DYNC1H1: variants seen among roughly 807,000 people sequenced by gnomAD.
The protein encoded by DYNC1H1 is cytoplasmic dynein 1 heavy chain 1.
Under a neutral mutation model 527.1 loss-of-function variants are expected in DYNC1H1, and 51 were observed. That is an observed-to-expected ratio of 0.10 (90% CI 0.08 to 0.12). The LOEUF (loss-of-function observed/expected upper bound fraction) is 0.12. DYNC1H1 is among the 10% of genes least tolerant of loss of function. The pLI, the probability that DYNC1H1 is intolerant of heterozygous loss-of-function variation, is 1.00. For missense variants in DYNC1H1, 2,771 were observed against 5,971.8 expected, an observed-to-expected ratio of 0.46 and a Z score of 17.66; for synonymous variants, 2,189 against 2,278.8, an observed-to-expected ratio of 0.96 and a Z score of 1.12.
chr14:101,970,118 CT>C (rs2047714620), intron 1 of DYNC1H1, among the ~76,000 whole-genome samples: 1 of 152,130 alleles, frequency 6.6e-6, no homozygotes, highest in Admixed American at 6.5e-5. Flanking sequence ...AATTCTTTCT[CT>C]TTTCTTTTCG....
At chr14:102,048,349 C>T (rs1181626582) in intron 73 of DYNC1H1, 167 bp from the exon 74 acceptor site, 6 of 980,578 alleles carry the variant, frequency 6.1e-6, no homozygotes, top group Non-Finnish European at 9.2e-6. Context: ...GCAGCCTCAG[C>T]TTCACACAAG....
chr14:102,051,311 A>G lies in DYNC1H1; in HGVS notation c.*748A>G. ...ATGCCTGTAATCCCAGCACTTTGGGAGGCCGAGGCGGGCGGATCACCAAAT... is the reference window on the plus strand; with the variant it reads ...ATGCCTGTAATCCCAGCACTTTGGGGGGCCGAGGCGGGCGGATCACCAAAT... On this transcript the variant is annotated 3_prime_UTR_variant, in exon 78 of 78. Coordinates refer to ENST00000360184, the MANE Select transcript of DYNC1H1 (RefSeq NM_001376.5). 1 of 151,286 alleles carries G rather than the reference A, an allele frequency of 6.6e-6. No individual in the cohort carries two copies. Among genetic ancestry groups the G allele is most frequent in the Non-Finnish European group, 1.5e-5 (1 of 68,478 alleles). The allele number at this position is 151,286 out of a possible 1,614,324, so 9.4% of individuals were successfully genotyped here.
chr14:102,002,483 T>C lies in DYNC1H1; in HGVS notation c.4543-54T>C, dbSNP rs1215222652. The C allele has an allele frequency of 2.5e-6, 4 of 1,610,032 alleles. No individual in the cohort carries two copies. The highest frequency in any genetic ancestry group is 3.4e-6 in the Non-Finnish European group (4 of 1,177,362). ...TGCGCTTTTTCAGTGAGTTTTGGCA[T>C]ATCTGTGAGTAGAAGGGTCAGCAGT... On this transcript the variant is annotated intron_variant, in intron 21 of 77. Transcript: ENST00000360184. This position sits in a 1 kb window ranked among gnomAD's most constrained non-coding sequence, Gnocchi z 4.4.
rs550767074 is a variant in DYNC1H1, at chr14:102,009,793, G to T, written c.5978-50G>T. ...TTAGAGACATTTTAGAATGCATTTT[G>T]TTTTTTTTTTTTAACATTTCTAGTC... On this transcript the variant is annotated intron_variant, in intron 29 of 77. Coordinates refer to ENST00000360184, the MANE Select transcript of DYNC1H1 (RefSeq NM_001376.5). 5,755 of 1,255,248 alleles carry T rather than the reference G, an allele frequency of 4.6e-3. 98 individuals are homozygous for T. The highest frequency in any genetic ancestry group is 0.044 in the Admixed American group (2,230 of 50,494). The allele number at this position is 1,255,248 out of a possible 1,614,324, so 77.8% of individuals were successfully genotyped here.
In DYNC1H1 at chr14:102,041,922, TCTCAGGCCCCTCA is replaced by T. The variant is rs1276251773; in HGVS notation, c.12103-87_12103-75del. On this transcript the variant is annotated intron_variant, in intron 65 of 77. Coordinates refer to ENST00000360184, the MANE Select transcript of DYNC1H1 (RefSeq NM_001376.5). This position sits in a 1 kb window ranked among gnomAD's most constrained non-coding sequence, Gnocchi z 4.5. The stretch of plus-strand genomic sequence containing the variant: ...ACCTCTGGGCCCAGAAAGAACATCT[TCTCAGGCCCCTCA>T]CTCGGGGCTCTCCTTTCCCTTGACA... The T allele has an allele frequency of 8.5e-6, 13 of 1,521,220 alleles. No homozygotes were observed. In the Admixed American group the frequency reaches 1.1e-4, roughly 13 times the overall value. The allele number at this position is 1,521,220 out of a possible 1,614,324, so 94.2% of individuals were successfully genotyped here. A position where few individuals can be genotyped will look rare whatever the true frequency, so the allele number is the denominator to read the frequency against.
chr14:102,022,222 C>T (rs1421228349), intron 42 of DYNC1H1, among the ~76,000 whole-genome samples: 3 of 151,834 alleles, frequency 2.0e-5, no homozygotes, highest in Admixed American at 1.3e-4. Flanking sequence ...CTGGGCTGGG[C>T]GAGGTGGCTC....
rs1751567734 is a variant in DYNC1H1 at position 101,999,575 on chromosome 14, G to A, written c.3805-414G>A. Among the ~76,000 whole-genome samples the A allele has an allele frequency of 2.0e-5, 3 of 152,222 alleles. No individual in the cohort carries two copies. In the South Asian group the frequency reaches 6.2e-4, roughly 32 times the overall value. The stretch of plus-strand genomic sequence containing the variant: ...TGCTGAAGTAGAGTCTGTTTCTGGT[G>A]ATTTCTCATTCCTCTCTTGGCTGGG... On this transcript the variant is annotated intron_variant, in intron 16 of 77. Transcript: ENST00000360184.
chr14:102,047,776 C>A lies in DYNC1H1; in HGVS notation c.13007-41C>A, dbSNP rs200004172. ...TTCCCTCTGTGATTTCTTGCCCGTC[C>A]CCTCCCTCCTTCCTGCTGCGACTGT... is the stretch of plus-strand genomic sequence containing the variant. On this transcript the variant is annotated intron_variant, in intron 72 of 77. Transcript: ENST00000360184. 3 of 1,610,616 alleles carry A rather than the reference C, an allele frequency of 1.9e-6. No homozygotes were observed. In the East Asian group the frequency reaches 6.7e-5, roughly 36 times the overall value.
chr14:102,038,993 C>A lies in DYNC1H1; in HGVS notation c.11207-8C>A. 2 of 1,613,946 alleles carry A rather than the reference C, an allele frequency of 1.2e-6. No individual in the cohort carries two copies. Among genetic ancestry groups the A allele is most frequent in the Non-Finnish European group, 1.7e-6 (2 of 1,180,024 alleles). On this transcript the variant is annotated splice_polypyrimidine_tract_variant and splice_region_variant and intron_variant, in intron 59 of 77. Transcript: ENST00000360184. This position sits in a 1 kb window ranked among gnomAD's most constrained non-coding sequence, Gnocchi z 7.2. ...TATTGCAAACTCTGGATGTTTTATT[C>A]ATTTAAGGGGAATTTCAGCTCCGTT... is the stretch of plus-strand genomic sequence containing the variant.
Position 102,029,409 on chromosome 14 carries a change from C to G in DYNC1H1, c.9469-130C>G. 1.6e-6 allele frequency: 2 copies of G among 1,224,396 alleles called. No homozygotes were observed. Among genetic ancestry groups the G allele is most frequent in the East Asian group, 2.5e-5 (1 of 39,694 alleles). 75.8% of individuals were successfully genotyped at this position (1,224,396 alleles called of 1,614,324 possible). A position where few individuals can be genotyped will look rare whatever the true frequency, so the allele number is the denominator to read the frequency against. On this transcript the variant is annotated intron_variant, in intron 48 of 77. Coordinates refer to ENST00000360184, the MANE Select transcript of DYNC1H1 (RefSeq NM_001376.5). This position sits in a 1 kb window ranked among gnomAD's most constrained non-coding sequence, Gnocchi z 5.3. ...TAAGTGGCTAAGCTGAGGCCCGACTCGAGTGTTCTGGCCCCGAGGGCCAGG... is the reference window on the plus strand; with the variant it reads ...TAAGTGGCTAAGCTGAGGCCCGACTGGAGTGTTCTGGCCCCGAGGGCCAGG...
rs1412540989 is a variant in DYNC1H1 at position 101,994,314 on chromosome 14, A to G, written c.3146A>G (p.Gln1049Arg). The G allele has an allele frequency of 1.2e-6, 2 of 1,614,218 alleles. No homozygotes were observed. Among genetic ancestry groups the G allele is most frequent in the Admixed American group, 1.7e-5 (1 of 60,024 alleles). Reference sequence around the variant, plus strand: ...ATGGGCATTGTATCTGAAGTTGAACAGTATGTCAAGGTAAGAAACTCCTAA... The same window carrying G: ...ATGGGCATTGTATCTGAAGTTGAACGGTATGTCAAGGTAAGAAACTCCTAA... ...AVMGIVSEVE[Q>R]YVKVWLQYQC... is the part of the protein sequence containing the mutation. Residue 1049 changes from glutamine (Q) to arginine (R), a missense_variant, in exon 12 of 78, where the codon CAG becomes CGG. Around this residue, in one of 32 missense-constraint regions of DYNC1H1, gnomAD observed 179 missense variants for 349.4 expected, o/e 0.51. Coordinates refer to ENST00000360184, the MANE Select transcript of DYNC1H1 (RefSeq NM_001376.5).
chr14:102,050,143 C>T lies in DYNC1H1; in HGVS notation c.13757C>T (p.Pro4586Leu), dbSNP rs1273077328. 9 of 1,610,270 alleles carry T rather than the reference C, an allele frequency of 5.6e-6. No individual in the cohort carries two copies. Among genetic ancestry groups the T allele is most frequent in the Non-Finnish European group, 7.6e-6 (9 of 1,179,352 alleles). The change falls in exon 77 of 78, where the codon CCC becomes CTC. Residue 4586 changes from proline (P) to leucine (L), a missense_variant. Pro to Leu is a moderately conservative substitution (Grantham distance 98, BLOSUM62 -3). Transcript: ENST00000360184. ...TCCAATGCCATCTCAACCGCCCTTC[C>T]CCTGACGCAGCTGCGCTGGGTCAAG... ...SLSNAISTAL[P>L]LTQLRWVKQT...
chr14:101,980,473 C>T lies in DYNC1H1; in HGVS notation c.884C>T (p.Pro295Leu), dbSNP rs1354776283. 3.7e-6 allele frequency: 6 copies of T among 1,614,172 alleles called. No individual in the cohort carries two copies. Among genetic ancestry groups the T allele is most frequent in the Admixed American group, 1.7e-5 (1 of 60,024 alleles). ...CGCATCCAGGAGAAACGGGAGAGCC[C>T]GGAAGTTCTCCTGACTCTGGATATC... Reference protein sequence around the residue: ...LYRIQEKRESPEVLLTLDILK... With the variant: ...LYRIQEKRESLEVLLTLDILK... Residue 295 changes from proline (P) to leucine (L), a missense_variant, in exon 5 of 78, where the codon CCG becomes CTG. By Grantham distance (98) the Pro-to-Leu change is moderately conservative. Around this residue, in one of 32 missense-constraint regions of DYNC1H1, gnomAD observed 146 missense variants for 288.1 expected, o/e 0.51. Transcript: ENST00000360184.
chr14:102,042,431 A>G lies in DYNC1H1; in HGVS notation c.12323A>G (p.Gln4108Arg). 4 of 1,614,164 alleles carry G rather than the reference A, an allele frequency of 2.5e-6. No individual in the cohort carries two copies. The highest frequency in any genetic ancestry group is 3.4e-6 in the Non-Finnish European group (4 of 1,180,034). ...NVHLAPGWLM[Q>R]LEKKLHSLQP... Reference sequence around the variant, plus strand: ...CATCTGGCCCCAGGGTGGCTGATGCAGCTGGAGAAGAAGTTGCATTCCCTG... The same window carrying G: ...CATCTGGCCCCAGGGTGGCTGATGCGGCTGGAGAAGAAGTTGCATTCCCTG... Residue 4108 changes from glutamine (Q) to arginine (R), a missense_variant, in exon 68 of 78, where the codon CAG (glutamine) becomes CGG (arginine). Around this residue, in one of 32 missense-constraint regions of DYNC1H1, gnomAD observed 195 missense variants for 428.6 expected, o/e 0.45. Coordinates refer to ENST00000360184, the MANE Select transcript of DYNC1H1 (RefSeq NM_001376.5). The surrounding 1 kb of genome is among the most constrained non-coding windows in gnomAD (Gnocchi z 5.7).
rs1421847566 is a variant in DYNC1H1 at position 101,985,216 on chromosome 14, C to G, written c.1462-471C>G. 6.6e-6 allele frequency among the ~76,000 whole-genome samples: 1 copy of G among 152,140 alleles called. No individual in the cohort carries two copies. Among genetic ancestry groups the G allele is most frequent in the African/African-American group, 2.4e-5 (1 of 41,434 alleles). ...TTATTTAGTCTCTTTTTCAGAGAGT[C>G]CTTCTCTGTAAAACATGGATAGTAA... On this transcript the variant is annotated intron_variant, in intron 7 of 77. Coordinates refer to ENST00000360184, the MANE Select transcript of DYNC1H1 (RefSeq NM_001376.5). This position sits in a 1 kb window ranked among gnomAD's most constrained non-coding sequence, Gnocchi z 5.9.
chr14:102,022,142 A>C (rs1004922420), intron 42 of DYNC1H1, among the ~76,000 whole-genome samples: 1 of 151,244 alleles, frequency 6.6e-6, no homozygotes, highest in Non-Finnish European at 1.5e-5. Flanking sequence ...TAAGTAAGTA[A>C]GTAAGTAAGA....
chr14:102,043,926 A>G lies in DYNC1H1; in HGVS notation c.12565A>G (p.Ile4189Val). 6.2e-7 allele frequency: 1 copy of G among 1,614,218 alleles called. No homozygotes were observed. The highest frequency in any genetic ancestry group is 2.2e-5 in the East Asian group (1 of 44,880). Residue 4189 changes from isoleucine to valine, a missense_variant, in exon 70 of 78, where the codon ATC (isoleucine) becomes GTC (valine). By Grantham distance (29) the Ile-to-Val change is conservative. Coordinates refer to ENST00000360184, the MANE Select transcript of DYNC1H1 (RefSeq NM_001376.5). ...CTTCCTGCTGGCCTGGTTTCATGCG[A>G]TCATCCAAGAACGCTTACGATACGC... ...LYFLLAWFHAIIQERLRYAPL... is the reference protein window; with the variant it reads ...LYFLLAWFHAVIQERLRYAPL...
In DYNC1H1 at chr14:102,010,622, G is replaced by A. The variant is rs983933587; in HGVS notation, c.6406-118G>A. On this transcript the variant is annotated intron_variant, in intron 31 of 77. Transcript: ENST00000360184. The surrounding 1 kb of genome is among the most constrained non-coding windows in gnomAD (Gnocchi z 6.0). ...CAGTGAGTCGAGTGCACGAATGTGG[G>A]CGAGTGGTGCTCGCACCCTTTGTTC... is the stretch of plus-strand genomic sequence containing the variant. 109 of 1,505,824 alleles carry A rather than the reference G, an allele frequency of 7.2e-5. No individual in the cohort carries two copies. Among genetic ancestry groups the A allele is most frequent in the Non-Finnish European group, 9.5e-5 (105 of 1,099,764 alleles). The allele number at this position is 1,505,824 out of a possible 1,614,324, so 93.3% of individuals were successfully genotyped here.
At chr14:102,045,933 G>A (rs1179621244) in intron 72 of DYNC1H1, among the ~76,000 whole-genome samples, 2 of 152,078 alleles carry the variant, frequency 1.3e-5, no homozygotes, top group Non-Finnish European at 2.9e-5. Context: ...TTGGGAGGCC[G>A]AGGTGGGCGG....
Sources: gnomAD v4.1 joint callset for allele counts (sites outside exome capture counted in the v4.1 genomes callset) on GRCh38, gnomAD v4.1.1 for gene constraint, gnomAD v4.1.1 regional missense constraint, Gnocchi (gnomAD v3.1) non-coding constraint, MANE v1.5 for transcripts, NCBI Gene and HGNC (gene_info 2026-07-23, HGNC 2026-07-21) for gene names.